ZFPM2: variants seen among roughly 807,000 people sequenced by gnomAD.
ZFPM2 encodes zinc finger protein ZFPM2.
ZFPM2 carries 20 observed loss-of-function variants against 98.6 expected under a neutral mutation model. The ratio of observed to expected loss-of-function variants is 0.20; its 90% CI spans 0.14 to 0.29. ZFPM2 has a LOEUF of 0.29. Ranked by LOEUF, ZFPM2 falls within the 10% of genes least tolerant of loss-of-function variation. The pLI is 1.00. For synonymous variants in ZFPM2, 518 were observed against 502.7 expected, an observed-to-expected ratio of 1.03 and a Z score of -0.41; for missense variants, 1,310 against 1,388.6, an observed-to-expected ratio of 0.94 and a Z score of 0.90.
intron 3 of ZFPM2, among the ~76,000 whole-genome samples, chr8:105,533,584 G>C (rs1814343666): frequency 6.6e-6 from 1 of 151,950 alleles, no homozygotes; most frequent in Admixed American, 6.6e-5. Flanking sequence ...ACACAAAAGA[G>C]AACCCTATAT....
intron 3 of ZFPM2, among the ~76,000 whole-genome samples, chr8:105,556,682 C>T (rs1814998834): frequency 7.1e-6 from 1 of 141,140 alleles, no homozygotes; most frequent in African/African-American, 2.6e-5. Flanking sequence ...TTCCCCCTTC[C>T]CTTTTCCCCC....
In ZFPM2 at chr8:105,589,940, C is replaced by G. The variant is rs541726571; in HGVS notation, c.420+28459C>G. On this transcript the variant is annotated intron_variant, in intron 4 of 7. Transcript: ENST00000407775. The stretch of plus-strand genomic sequence containing the variant: ...GTTTTGCCATGTTGGCCAGGCTGGT[C>G]TTGAACTCCTGACCTCGTGATCTGC... Among the ~76,000 whole-genome samples, 4 of 152,290 alleles carry G rather than the reference C, an allele frequency of 2.6e-5. No homozygotes were observed. In the East Asian group the frequency reaches 7.7e-4, roughly 29 times the overall value.
At chr8:105,750,324 G>C (rs570052528) in intron 5 of ZFPM2, among the ~76,000 whole-genome samples, 1 of 151,986 alleles carries the variant, frequency 6.6e-6, no homozygotes, top group Non-Finnish European at 1.5e-5. Context: ...GCCTCCAAGG[G>C]TGTGGTCTTA....
At chr8:105,623,919 G>A (rs1816603376) in intron 4 of ZFPM2, among the ~76,000 whole-genome samples, 1 of 152,098 alleles carries the variant, frequency 6.6e-6, no homozygotes, top group South Asian at 2.1e-4. Flanking sequence ...TTAGCAATTG[G>A]CCAATGCAAA....
chr8:105,409,176 A>G (rs1267440266), intron 1 of ZFPM2, among the ~76,000 whole-genome samples: 1 of 151,850 alleles, frequency 6.6e-6, no homozygotes, highest in Non-Finnish European at 1.5e-5. Flanking sequence ...GATGAAGAGA[A>G]TGCTTTTGCT....
intron 4 of ZFPM2, among the ~76,000 whole-genome samples, chr8:105,565,690 T>G (rs1815229322): frequency 6.6e-6 from 1 of 152,210 alleles, no homozygotes; most frequent in African/African-American, 2.4e-5. Flanking sequence ...ATCCACACAT[T>G]TCAACTACTT....
At chr8:105,434,358 G>A (rs1329907186) in intron 2 of ZFPM2, among the ~76,000 whole-genome samples, 12 of 152,112 alleles carry the variant, frequency 7.9e-5, no homozygotes, top group Non-Finnish European at 7.4e-5. Flanking sequence ...ACACAATATT[G>A]TGAGGCTATT....
At chr8:105,401,629 G>A (rs1176620350) in intron 1 of ZFPM2, among the ~76,000 whole-genome samples, 1 of 152,002 alleles carries the variant, frequency 6.6e-6, no homozygotes, top group Non-Finnish European at 1.5e-5. Flanking sequence ...AGTTTTACCA[G>A]TTGTTTTGAT....
At chr8:105,582,568 T>A (rs1419786576) in intron 4 of ZFPM2, among the ~76,000 whole-genome samples, 3 of 152,086 alleles carry the variant, frequency 2.0e-5, no homozygotes, top group Admixed American at 1.3e-4. Context: ...TGTAACAAAA[T>A]ATAGAGGTGT....
intron 1 of ZFPM2, among the ~76,000 whole-genome samples, chr8:105,400,209 ATT>A (rs1811310318): frequency 6.6e-6 from 1 of 151,836 alleles, no homozygotes; most frequent in African/African-American, 2.4e-5. Flanking sequence ...TATAGTTATT[ATT>A]TTGTGTTTAA....
intron 1 of ZFPM2, among the ~76,000 whole-genome samples, chr8:105,320,256 T>TTGTGTGTGTGTGTGTGTGTG (rs71305141): frequency 2.8e-5 from 4 of 142,262 alleles, no homozygotes; most frequent in Admixed American, 7.0e-5. Flanking sequence ...ATTCAGATCT[T>TTGTGTGTGTGTGTGTGTGTG]TGTGTGTGTG....
intron 3 of ZFPM2, among the ~76,000 whole-genome samples, chr8:105,511,276 ATCT>A: frequency 6.6e-6 from 1 of 152,362 alleles, no homozygotes; most frequent in African/African-American, 2.4e-5. Context: ...TTATAGACAA[ATCT>A]TCTCCCAGGA....
In ZFPM2 at chr8:105,580,819, C is replaced by CTATATATATATA. The variant is rs201942806; in HGVS notation, c.420+19339_420+19340insATATATATATAT. ...CATCATTCTCTCTCTCTCTCTCTCT[C>CTATATATATATA]TCTCTCTCTATATATATATATATAT... On this transcript the variant is annotated intron_variant, in intron 4 of 7. Transcript: ENST00000407775. 2.6e-5 allele frequency among the ~76,000 whole-genome samples: 3 copies of CTATATATATATA among 114,972 alleles called. No individual in the cohort carries two copies. In the South Asian group the frequency reaches 9.2e-4, roughly 35 times the overall value. 75.4% of individuals were successfully genotyped at this position (114,972 alleles called of 152,430 possible). A position where few individuals can be genotyped will look rare whatever the true frequency, so the allele number is the denominator to read the frequency against.
chr8:105,744,891 A>G (rs894595102), intron 5 of ZFPM2, among the ~76,000 whole-genome samples: 1 of 152,128 alleles, frequency 6.6e-6, no homozygotes, highest in Non-Finnish European at 1.5e-5. Context: ...CTGTGATCTC[A>G]CAACTTCATG....
At chr8:105,517,152 G>A (rs1813941181) in intron 3 of ZFPM2, among the ~76,000 whole-genome samples, 2 of 152,146 alleles carry the variant, frequency 1.3e-5, no homozygotes, top group African/African-American at 4.8e-5. Flanking sequence ...AGCTTGTTCC[G>A]ATATTTTCAG....
intron 1 of ZFPM2, among the ~76,000 whole-genome samples, chr8:105,340,253 G>A (rs1366939908): frequency 6.6e-6 from 1 of 151,758 alleles, no homozygotes; most frequent in African/African-American, 2.4e-5. Flanking sequence ...AACTACATTT[G>A]TGTTTCCTAT....
intron 3 of ZFPM2, among the ~76,000 whole-genome samples, chr8:105,524,457 T>G (rs965732120): frequency 2.6e-5 from 4 of 151,530 alleles, no homozygotes; most frequent in Admixed American, 6.6e-5. Context: ...TTCTTGGGTG[T>G]GTGTGTGTGT....
At chr8:105,785,520 A>G (rs1813390666) in intron 5 of ZFPM2, among the ~76,000 whole-genome samples, 1 of 152,174 alleles carries the variant, frequency 6.6e-6, no homozygotes, top group African/African-American at 2.4e-5. Context: ...TCTCAAGTCT[A>G]AAGTTAGGGA....
intron 3 of ZFPM2, among the ~76,000 whole-genome samples, chr8:105,558,731 C>T (rs974127485): frequency 5.3e-5 from 8 of 152,046 alleles, no homozygotes; most frequent in African/African-American, 1.9e-4. Flanking sequence ...TTCAAAGATT[C>T]TCATGATTCC....
Sources: gnomAD v4.1 joint callset for allele counts (sites outside exome capture counted in the v4.1 genomes callset) on GRCh38, gnomAD v4.1.1 for gene constraint, MANE v1.5 for transcripts, NCBI Gene and HGNC (gene_info 2026-07-23, HGNC 2026-07-21) for gene names.